The following PRIM2 variants were observed in gnomAD, a reference collection of about 807,000 sequenced individuals.
The protein encoded by PRIM2 is DNA primase large subunit.
Under a neutral mutation model 67.3 loss-of-function variants are expected in PRIM2, and 39 were observed. The ratio of observed to expected loss-of-function variants is 0.58; its 90% CI spans 0.45 to 0.76. The LOEUF (loss-of-function observed/expected upper bound fraction) is 0.76. Ranked by LOEUF, PRIM2 falls within the 30% of genes least tolerant of loss-of-function variation. The pLI, the probability that PRIM2 is intolerant of heterozygous loss-of-function variation, is 0.00. For missense variants in PRIM2, 398 were observed against 598.7 expected (o/e 0.66, Z 3.50); for synonymous variants, 143 against 198.7 (o/e 0.72, Z 2.36).
At chr6:57,401,979 C>T (rs1770723720) in intron 7 of PRIM2, among the ~76,000 whole-genome samples, 1 of 152,182 alleles carries the variant, frequency 6.6e-6, no homozygotes, top group South Asian at 2.1e-4. Context: ...TCAGTTGCCC[C>T]TGGTTGCTCT....
At chr6:57,358,899 A>G (rs992878339) in intron 5 of PRIM2, among the ~76,000 whole-genome samples, 1 of 152,242 alleles carries the variant, frequency 6.6e-6, no homozygotes, top group Non-Finnish European at 1.5e-5. Context: ...AGTGGGATCT[A>G]TGTCACCACC....
chr6:57,589,044 G>A lies in PRIM2; in HGVS notation c.1021-12049G>A, dbSNP rs1459697474. 5.3e-5 allele frequency among the ~76,000 whole-genome samples: 8 copies of A among 152,290 alleles called. No individual in the cohort carries two copies. The South Asian group carries it at 1.2e-3, about 24-fold the overall frequency. On this transcript the variant is annotated intron_variant, in intron 10 of 13. Coordinates refer to ENST00000615550, the MANE Select transcript of PRIM2 (RefSeq NM_000947.5). ...TACTTCCCTTGGGATATCAGGGGTA[G>A]CCTGAGACCCTTGAGTGCACCCAAG...
At chr6:57,638,089 C>T (rs1263828296) in intron 13 of PRIM2, among the ~76,000 whole-genome samples, 1 of 152,112 alleles carries the variant, frequency 6.6e-6, no homozygotes, top group Non-Finnish European at 1.5e-5. Flanking sequence ...GAGTGGGAGC[C>T]AATATACAAC....
chr6:57,539,527 G>A (rs1353934504), intron 10 of PRIM2, among the ~76,000 whole-genome samples: 34 of 151,514 alleles, frequency 2.2e-4, no homozygotes, highest in Non-Finnish European at 1.0e-4. Flanking sequence ...CTAATATCCT[G>A]TGGACATAGA....
At chr6:57,566,707 A>G (rs1775750387) in intron 10 of PRIM2, among the ~76,000 whole-genome samples, 3 of 152,192 alleles carry the variant, frequency 2.0e-5, no homozygotes, top group Non-Finnish European at 2.9e-5. Context: ...TAGCTTTAAA[A>G]GTTAAGGGAT....
intron 7 of PRIM2, among the ~76,000 whole-genome samples, chr6:57,497,901 G>T (rs1482668824): frequency 5.1e-4 from 78 of 152,178 alleles, no homozygotes; most frequent in African/African-American, 1.7e-3. Context: ...GAACAAATTT[G>T]GTTCCAGGAG....
At chr6:57,417,328 T>C (rs1210383437) in intron 7 of PRIM2, among the ~76,000 whole-genome samples, 2 of 152,152 alleles carry the variant, frequency 1.3e-5, no homozygotes, top group Admixed American at 1.3e-4. Flanking sequence ...TCAGGAACTT[T>C]TCCTTTGCAT....
chr6:57,626,057 T>C (rs1487813926), intron 12 of PRIM2, among the ~76,000 whole-genome samples: 7 of 152,256 alleles, frequency 4.6e-5, no homozygotes, highest in African/African-American at 1.7e-4. Context: ...AAGCTTGTTA[T>C]CACTTTTAAA....
chr6:57,525,558 T>A (rs1196984025), intron 8 of PRIM2, among the ~76,000 whole-genome samples: 1 of 152,190 alleles, frequency 6.6e-6, no homozygotes, highest in East Asian at 1.9e-4. Flanking sequence ...CTTCCGCCCA[T>A]GGCTCAGCAG....
intron 10 of PRIM2, among the ~76,000 whole-genome samples, chr6:57,593,451 C>T (rs1343865350): frequency 3.3e-5 from 5 of 152,044 alleles, no homozygotes; most frequent in African/African-American, 9.7e-5. Context: ...TACAGGCATG[C>T]ACCACCACAC....
At chr6:57,480,649 A>C (rs2127405505) in intron 7 of PRIM2, among the ~76,000 whole-genome samples, 1 of 152,096 alleles carries the variant, frequency 6.6e-6, no homozygotes, top group Admixed American at 6.5e-5. Context: ...TTCCTTTTTG[A>C]GATGGAGTCT....
intron 12 of PRIM2, among the ~76,000 whole-genome samples, chr6:57,630,230 T>A (rs1777018897): frequency 6.6e-6 from 1 of 152,102 alleles, no homozygotes; most frequent in African/African-American, 2.4e-5. Context: ...CTGATCATAG[T>A]TGAATGACTT....
intron 10 of PRIM2, among the ~76,000 whole-genome samples, chr6:57,576,764 A>G (rs1355505309): frequency 1.4e-5 from 2 of 147,176 alleles, no homozygotes; most frequent in African/African-American, 5.2e-5. Flanking sequence ...GTGTTTATGT[A>G]GGTAAATGGT....
At chr6:57,610,216 C>G (rs1327957526) in intron 12 of PRIM2, among the ~76,000 whole-genome samples, 13 of 152,170 alleles carry the variant, frequency 8.5e-5, no homozygotes, top group African/African-American at 3.1e-4. Flanking sequence ...TTACAGGCAC[C>G]CTTCATCATG....
intron 7 of PRIM2, among the ~76,000 whole-genome samples, chr6:57,397,016 G>C (rs1770539468): frequency 6.6e-6 from 1 of 152,156 alleles, no homozygotes; most frequent in Non-Finnish European, 1.5e-5. Flanking sequence ...TAGCCTGTAT[G>C]GTTTCTGTTG....
At chr6:57,639,145 G>A (rs1261660122) in intron 13 of PRIM2, among the ~76,000 whole-genome samples, 1 of 152,168 alleles carries the variant, frequency 6.6e-6, no homozygotes, top group African/African-American at 2.4e-5. Context: ...GTCTGCTCCT[G>A]AATGACTACA....
chr6:57,607,275 G>A (rs1266762135), intron 12 of PRIM2, among the ~76,000 whole-genome samples: 1 of 152,028 alleles, frequency 6.6e-6, no homozygotes, highest in Non-Finnish European at 1.5e-5. Flanking sequence ...ATCTTACATA[G>A]TTTTTTAGTA....
At chr6:57,624,254 C>T (rs1441235011) in intron 12 of PRIM2, among the ~76,000 whole-genome samples, 1 of 152,120 alleles carries the variant, frequency 6.6e-6, no homozygotes, top group Non-Finnish European at 1.5e-5. Flanking sequence ...ATTATCTTTC[C>T]TCTCTTCTTC....
chr6:57,293,302 G>T, the PRIM2 span, among the ~76,000 whole-genome samples: 1 of 152,186 alleles, frequency 6.6e-6, no homozygotes, highest in African/African-American at 2.4e-5. Context: ...TCTCACGCCT[G>T]TTAGAATGGC....
Sources: gnomAD v4.1 joint callset for allele counts (sites outside exome capture counted in the v4.1 genomes callset) on GRCh38, gnomAD v4.1.1 for gene constraint, MANE v1.5 for transcripts, NCBI Gene and HGNC (gene_info 2026-07-23, HGNC 2026-07-21) for gene names.